The following DNAAF5 variants were observed in gnomAD, a reference collection of about 807,000 sequenced individuals.
DNAAF5 encodes the protein dynein axonemal assembly factor 5, also known as HEAT repeat containing 2.
Under a neutral mutation model 75.8 loss-of-function variants are expected in DNAAF5, and 64 were observed. The observed-to-expected ratio is 0.84, with a 90% CI of 0.69 to 1.04. The LOEUF (loss-of-function observed/expected upper bound fraction) is 1.04, where lower values mean the gene tolerates loss of function less well. DNAAF5 is among the 50% of genes least tolerant of loss of function. The probability of loss-of-function intolerance (pLI) is 0.00; values close to 1 mark genes in which losing one functional copy is unlikely to be tolerated. For synonymous variants in DNAAF5, 657 were observed against 557.2 expected, an observed-to-expected ratio of 1.18 and a Z score of -2.52; for missense variants, 1,269 against 1,178.5, an observed-to-expected ratio of 1.08 and a Z score of -1.12.
chr7:744,452 C>T (rs567968414), intron 4 of DNAAF5, among the ~76,000 whole-genome samples: 6 of 152,284 alleles, frequency 3.9e-5, no homozygotes, highest in East Asian at 1.9e-4. Flanking sequence ...TGGGTATATA[C>T]CCAGTAATGG....
chr7:764,098 T>C, intron 8 of DNAAF5, 124 bp downstream of exon 8: 1 of 1,025,466 alleles, frequency 9.8e-7, no homozygotes. Context: ...AGCGTGTTGT[T>C]AAAAGTACCC....
intron 4 of DNAAF5, among the ~76,000 whole-genome samples, chr7:751,199 T>C (rs1782281853): frequency 6.6e-6 from 1 of 152,108 alleles, no homozygotes; most frequent in Non-Finnish European, 1.5e-5. Context: ...TTTTGTTTTT[T>C]ACAAAATGAT....
intron 8 of DNAAF5, chr7:769,031 A>G (rs528020209): frequency 4.8e-6 from 3 of 629,910 alleles, no homozygotes; most frequent in Non-Finnish European, 8.8e-6. Context: ...GCCCTCCAAG[A>G]CACCAGCTGG....
chr7:759,668 TTGTC>T lies in DNAAF5; in HGVS notation c.1471-2082_1471-2079del, dbSNP rs373235456. 1.3e-4 allele frequency among the ~76,000 whole-genome samples: 20 copies of T among 152,272 alleles called. No homozygotes were observed. In the East Asian group the frequency reaches 2.7e-3, roughly 21 times the overall value. On this transcript the variant is annotated intron_variant, in intron 6 of 12. Transcript: ENST00000297440. ...GTTGTATGTAGGCAGACACTGAAAA[TTGTC>T]TGGTCAAATATAGAGAAATCTATAA...
At chr7:769,260 G>T (rs1778470311) in intron 8 of DNAAF5, 3 of 725,022 alleles carry the variant, frequency 4.1e-6, no homozygotes, top group Admixed American at 3.9e-5. Flanking sequence ...ACTGGCCCGG[G>T]GCCAGAGCGC....
chr7:729,636 G>C (rs760978971), intron 1 of DNAAF5, 27 bp from the exon 2 acceptor site: 20 of 1,604,538 alleles, frequency 1.2e-5, no homozygotes, highest in Admixed American at 1.7e-5. Context: ...AGCAGCTCTG[G>C]TAACTGGGGG....
intron 2 of DNAAF5, 46 bp from the exon 3 acceptor site, chr7:740,773 A>T: frequency 6.2e-7 from 1 of 1,608,520 alleles, no homozygotes; most frequent in Non-Finnish European, 8.5e-7. Context: ...CAGCCCCGGC[A>T]TCCCCTTTGC....
chr7:777,989 A>G (rs552506345), intron 11 of DNAAF5, among the ~76,000 whole-genome samples: 2 of 152,342 alleles, frequency 1.3e-5, no homozygotes, highest in African/African-American at 4.8e-5. Context: ...ATGGTGCCTC[A>G]GAATCTTCCA....
intron 2 of DNAAF5, among the ~76,000 whole-genome samples, chr7:730,874 G>A (rs1781542163): frequency 1.3e-5 from 2 of 152,216 alleles, no homozygotes; most frequent in Admixed American, 1.3e-4. Context: ...GGCCCCTCCT[G>A]GAGCTGGCGT....
chr7:766,366 TTTTTTAATAGGAGAAA>T (rs1562393302), intron 8 of DNAAF5, among the ~76,000 whole-genome samples: 1 of 152,044 alleles, frequency 6.6e-6, no homozygotes, highest in African/African-American at 2.4e-5. Context: ...ATTAAAACAA[TTTTTTAATAGGAGAAA>T]TTTTTAAATT....
intron 8 of DNAAF5, chr7:768,880 A>G (rs898261277): frequency 2.5e-5 from 12 of 486,598 alleles, no homozygotes; most frequent in Non-Finnish European, 4.1e-5. Flanking sequence ...GAGAGGGTGA[A>G]ACAGTCAGAA....
intron 12 of DNAAF5, among the ~76,000 whole-genome samples, chr7:784,901 G>A (rs1053672136): frequency 5.3e-5 from 8 of 152,180 alleles, no homozygotes; most frequent in Non-Finnish European, 1.2e-4. Flanking sequence ...TTGAATGCAC[G>A]TTGTGACTGC....
rs1389558447 is a variant in DNAAF5, at chr7:763,801, T to G, written c.1615-5T>G. The G allele has an allele frequency of 1.2e-6, 2 of 1,612,942 alleles. No homozygotes were observed. The highest frequency in any genetic ancestry group is 1.3e-5 in the African/African-American group (1 of 74,928). On this transcript the variant is annotated splice_region_variant and splice_polypyrimidine_tract_variant and intron_variant, in intron 7 of 12. Coordinates refer to ENST00000297440, the MANE Select transcript of DNAAF5 (RefSeq NM_017802.4). Reference sequence around the variant, plus strand: ...TTGTCTCAGTCTCTGACTTGTAACCTCCAGGCACAGGAGACGATGGACTCA... The same window carrying G: ...TTGTCTCAGTCTCTGACTTGTAACCGCCAGGCACAGGAGACGATGGACTCA...
At chr7:774,004 C>A (rs758432758) in intron 9 of DNAAF5, 44 bp from the exon 10 acceptor site, 1 of 1,611,664 alleles carries the variant, frequency 6.2e-7, no homozygotes, top group Non-Finnish European at 8.5e-7. Flanking sequence ...TTCTTCCGAG[C>A]ACCTGTCCGG....
chr7:761,763 T>C lies in DNAAF5; in HGVS notation c.1481T>C (p.Leu494Pro). ...GCCGGTCTCTTCCAGGACCTCTACC[T>C]GGAGCGCCTGCTGCTGTGTGTGCAG... ...ICQASENDLY[L>P]ERLLLCVQAL... The change falls in exon 7 of 13, where the codon CTG becomes CCG. Residue 494 changes from leucine (L) to proline (P), a missense_variant. Leu to Pro is a moderately conservative substitution (Grantham distance 98). Transcript: ENST00000297440. 1 of 1,605,074 alleles carries C rather than the reference T, an allele frequency of 6.2e-7. No individual in the cohort carries two copies.
chr7:769,944 G>A (rs777617711), intron 8 of DNAAF5, among the ~76,000 whole-genome samples: 2 of 151,790 alleles, frequency 1.3e-5, no homozygotes, highest in East Asian at 1.9e-4. Context: ...ACCACGTCCA[G>A]GTTTTGTTTT....
Position 741,390 on chromosome 7 carries a change from CAGA to C in DNAAF5, c.952_954del (p.Lys318del). On this transcript the variant is annotated inframe_deletion, in exon 4 of 13. Transcript: ENST00000297440. The stretch of plus-strand genomic sequence containing the variant: ...CTGGGAGGACGTTGGCCTGCAGTGG[CAGA>C]AGGAGAATGAGGAGGACCTGAAGGA... 1 of 1,583,446 alleles carries C rather than the reference CAGA, an allele frequency of 6.3e-7. No individual in the cohort carries two copies. Among genetic ancestry groups the C allele is most frequent in the South Asian group, 1.2e-5 (1 of 86,360 alleles).
intron 4 of DNAAF5, among the ~76,000 whole-genome samples, chr7:743,567 T>C (rs569795250): frequency 7.2e-6 from 1 of 139,250 alleles, no homozygotes; most frequent in Admixed American, 7.3e-5. Context: ...AAAGCACACA[T>C]GTTTGGAAAA....
intron 1 of DNAAF5, among the ~76,000 whole-genome samples, chr7:727,990 G>C (rs950642133): frequency 3.3e-5 from 5 of 151,868 alleles, no homozygotes; most frequent in Non-Finnish European, 5.9e-5. Context: ...CACGCGCTTT[G>C]AGACTCTGCT....
Sources: allele counts gnomAD v4.1 joint callset (sites outside exome capture counted in the v4.1 genomes callset), GRCh38; gene constraint gnomAD v4.1.1; transcripts MANE v1.5; gene names NCBI Gene and HGNC (gene_info 2026-07-23, HGNC 2026-07-21).